The following ITGA2 variants were observed in gnomAD, a reference collection of about 807,000 sequenced individuals.
ITGA2 encodes integrin subunit alpha 2.
A neutral mutation model predicts 146.3 loss-of-function variants in ITGA2; 101 were observed. The observed-to-expected ratio is 0.69, with a 90% CI of 0.59 to 0.81. The LOEUF (loss-of-function observed/expected upper bound fraction) is 0.81. ITGA2 is among the 40% of genes least tolerant of loss of function. The probability of loss-of-function intolerance (pLI) is 0.00; values close to 1 mark genes in which losing one functional copy is unlikely to be tolerated. For missense variants in ITGA2, 1,281 were observed against 1,402.7 expected, an observed-to-expected ratio of 0.91 and a Z score of 1.39; for synonymous variants, 477 against 487.1, an observed-to-expected ratio of 0.98 and a Z score of 0.27.
At position 53,065,915 on chromosome 5, in the gene ITGA2, T is replaced by C; in HGVS notation, c.1881T>C (p.Asp627=). ...YFGRSLDGYG[D]LNGDSITDVS... is the part of the protein sequence containing the mutation. ...GGAGGTCCTTGGATGGCTATGGAGA[T>C]TTAAATGGGGATTCCATCACCGATG... Residue 627 remains aspartate, a synonymous_variant, in exon 15 of 30, where the codon GAT becomes GAC. Coordinates refer to ENST00000296585, the MANE Select transcript of ITGA2 (RefSeq NM_002203.4). The C allele has an allele frequency of 6.2e-7, 1 of 1,612,188 alleles. No homozygotes were observed. Among genetic ancestry groups the C allele is most frequent in the Non-Finnish European group, 8.5e-7 (1 of 1,178,816 alleles).
Position 53,090,779 on chromosome 5 carries a change from GGTGC to G in ITGA2, c.*182_*185del. 2 of 526,710 alleles carry G rather than the reference GGTGC, an allele frequency of 3.8e-6. No homozygotes were observed. The highest frequency in any genetic ancestry group is 4.9e-5 in the South Asian group (2 of 41,098). 32.6% of individuals were successfully genotyped at this position (526,710 alleles called of 1,614,324 possible). A position where few individuals can be genotyped will look rare whatever the true frequency, so the allele number is the denominator to read the frequency against. On this transcript the variant is annotated 3_prime_UTR_variant, in exon 30 of 30. Coordinates refer to ENST00000296585, the MANE Select transcript of ITGA2 (RefSeq NM_002203.4). Reference sequence around the variant, plus strand: ...TGAAGAAATTGTGGGGGGTGGGGGAGGTGCGGGGGGCAGGTAGGGAAATAATAGG... The same window carrying G: ...TGAAGAAATTGTGGGGGGTGGGGGAGGGGGGGCAGGTAGGGAAATAATAGG...
intron 23 of ITGA2, among the ~76,000 whole-genome samples, chr5:53,076,642 C>T (rs575977174): frequency 6.6e-6 from 1 of 151,960 alleles, no homozygotes; most frequent in South Asian, 2.1e-4. Flanking sequence ...TATTTTTTGT[C>T]AATACAGTCT....
chr5:53,044,274 C>A (rs868041162), intron 3 of ITGA2, among the ~76,000 whole-genome samples: 4 of 37,774 alleles, frequency 1.1e-4, no homozygotes, highest in Admixed American at 4.4e-4. Flanking sequence ...GACTCTGTCT[C>A]AAAAAAAAAA....
At chr5:53,074,951 A>G in intron 21 of ITGA2, 110 bp from the exon 22 acceptor site, 1 of 754,442 alleles carries the variant, frequency 1.3e-6, no homozygotes, top group South Asian at 1.5e-5. Flanking sequence ...GGTATATAAA[A>G]TTCAGAATCA....
chr5:53,079,909 T>C (rs1745835328), intron 24 of ITGA2, among the ~76,000 whole-genome samples: 1 of 152,122 alleles, frequency 6.6e-6, no homozygotes, highest in African/African-American at 2.4e-5. Flanking sequence ...ACCAGTAGTG[T>C]ATGAGCCCTG....
chr5:53,026,374 T>C (rs1742944431), intron 1 of ITGA2, among the ~76,000 whole-genome samples: 1 of 152,212 alleles, frequency 6.6e-6, no homozygotes, highest in African/African-American at 2.4e-5. Flanking sequence ...TACTTAAGAA[T>C]ACTTAGAGAT....
At chr5:53,058,484 G>T (rs3212530) in intron 10 of ITGA2, among the ~76,000 whole-genome samples, 112,771 of 151,662 alleles carry the variant, frequency 0.74, 42,150 homozygotes, top group African/African-American at 0.79. Flanking sequence ...AATTCTGAAT[G>T]GTCATAGTAT....
At position 53,078,777 on chromosome 5, in the gene ITGA2, CCAACATAAAT is replaced by C; in HGVS notation, c.2832_2841del (p.Asn945PhefsTer28). 1 of 1,592,778 alleles carries C rather than the reference CCAACATAAAT, an allele frequency of 6.3e-7. No homozygotes were observed. The highest frequency in any genetic ancestry group is 8.6e-7 in the Non-Finnish European group (1 of 1,161,342). ...TTACAAACATCATCCAACAGATCTACCAACATAAATTTTTATGAAATCTCTTCGGATGGGA... is the reference window on the plus strand; with the variant it reads ...TTACAAACATCATCCAACAGATCTACTTTTATGAAATCTCTTCGGATGGGA... On this transcript the variant is annotated frameshift_variant, in exon 24 of 30. Transcript: ENST00000296585. LOFTEE classifies it high-confidence loss of function.
chr5:53,052,122 G>T (rs1199530031), intron 7 of ITGA2, among the ~76,000 whole-genome samples: 1 of 151,680 alleles, frequency 6.6e-6, no homozygotes, highest in Non-Finnish European at 1.5e-5. Flanking sequence ...TAAGTTCTGG[G>T]ATACATGTGC....
At chr5:53,032,110 A>C (rs1010594142) in intron 2 of ITGA2, among the ~76,000 whole-genome samples, 1 of 152,146 alleles carries the variant, frequency 6.6e-6, no homozygotes, top group Non-Finnish European at 1.5e-5. Flanking sequence ...GGACTAGTGC[A>C]TTCTTTTTCC....
intron 1 of ITGA2, among the ~76,000 whole-genome samples, chr5:53,007,166 C>A (rs528531699): frequency 6.6e-6 from 1 of 152,166 alleles, no homozygotes; most frequent in East Asian, 1.9e-4. Flanking sequence ...TAGAGCAGAG[C>A]CCCAAACTAG....
intron 2 of ITGA2, among the ~76,000 whole-genome samples, chr5:53,041,336 A>G (rs1269845969): frequency 6.6e-6 from 1 of 152,188 alleles, no homozygotes; most frequent in African/African-American, 2.4e-5. Context: ...GTAAACACCA[A>G]TCTCATCCTG....
intron 2 of ITGA2, among the ~76,000 whole-genome samples, chr5:53,034,031 G>A (rs1377638158): frequency 6.6e-6 from 1 of 151,678 alleles, no homozygotes; most frequent in African/African-American, 2.4e-5. Context: ...CAAAGTGCTG[G>A]GATTACAGGC....
intron 5 of ITGA2, 80 bp downstream of exon 5, chr5:53,048,557 C>T: frequency 6.2e-7 from 1 of 1,609,190 alleles, no homozygotes. Context: ...TAGTGGCACC[C>T]AAACCCTCCT....
intron 12 of ITGA2, 85 bp downstream of exon 12, chr5:53,061,131 C>A: frequency 7.4e-7 from 1 of 1,342,362 alleles, no homozygotes; most frequent in Non-Finnish European, 1.1e-6. Flanking sequence ...TGGAAAACAA[C>A]ATGGCCTGAG....
In ITGA2 at chr5:53,078,771, G is replaced by A; in HGVS notation, c.2826-1G>A. On this transcript the variant is annotated splice_acceptor_variant, in intron 23 of 29. Coordinates refer to ENST00000296585, the MANE Select transcript of ITGA2 (RefSeq NM_002203.4). LOFTEE classifies it high-confidence loss of function. Reference sequence around the variant, plus strand: ...TTGGCTTTACAAACATCATCCAACAGATCTACCAACATAAATTTTTATGAA... The same window carrying A: ...TTGGCTTTACAAACATCATCCAACAAATCTACCAACATAAATTTTTATGAA... The A allele has an allele frequency of 1.9e-6, 3 of 1,573,010 alleles. No individual in the cohort carries two copies. Among genetic ancestry groups the A allele is most frequent in the Non-Finnish European group, 2.6e-6 (3 of 1,143,418 alleles).
chr5:53,060,086 G>A, intron 11 of ITGA2, 74 bp downstream of exon 11: 1 of 1,459,970 alleles, frequency 6.8e-7, no homozygotes, highest in African/African-American at 1.4e-5. Flanking sequence ...TGAATCTCAG[G>A]GTGAGTTCAG....
At chr5:53,028,212 T>C (rs140351289) in intron 2 of ITGA2, among the ~76,000 whole-genome samples, 15 of 152,200 alleles carry the variant, frequency 9.9e-5, no homozygotes, top group African/African-American at 3.4e-4. Context: ...GCCTGTCTAT[T>C]TGATGAGGAA....
intron 10 of ITGA2, among the ~76,000 whole-genome samples, chr5:53,059,112 A>G (rs761067001): frequency 5.9e-5 from 9 of 151,972 alleles, no homozygotes; most frequent in Non-Finnish European, 1.3e-4. Flanking sequence ...ACAAAAAATT[A>G]AAAATAGTGT....
Sources: gnomAD v4.1 joint callset for allele counts (sites outside exome capture counted in the v4.1 genomes callset) on GRCh38, gnomAD v4.1.1 for gene constraint, MANE v1.5 for transcripts, NCBI Gene and HGNC (gene_info 2026-07-23, HGNC 2026-07-21) for gene names.